Variants in IL17REL observed in about 807,000 individuals in gnomAD.
IL17REL encodes the protein interleukin-17 receptor E-like protein.
In IL17REL, 36 loss-of-function variants were observed where a neutral mutation model predicts 49.0. The ratio of observed to expected loss-of-function variants is 0.73; its 90% CI spans 0.56 to 0.97. The LOEUF (loss-of-function observed/expected upper bound fraction) is 0.97. Among genes scored for constraint, IL17REL ranks in the 50% least tolerant of loss-of-function variants. IL17REL has a pLI of 0.00. For missense variants in IL17REL, 470 were observed against 453.9 expected (o/e 1.04, Z -0.32); for synonymous variants, 206 against 192.4 (o/e 1.07, Z -0.58).
rs2061043001 is a variant in IL17REL, at chr22:49,997,407, G to T, written c.887C>A (p.Thr296Asn). Reference sequence around the variant, plus strand: ...TCCTGTGACACAGGTGCACCTGGAAGTGGGCGGGGCTGGACGAGAAGAAGG... The same window carrying T: ...TCCTGTGACACAGGTGCACCTGGAATTGGGCGGGGCTGGACGAGAAGAAGG... The change falls in exon 11 of 13, where the codon ACT becomes AAT. Residue 296 changes from threonine to asparagine, a missense_variant. By Grantham distance (65) the Thr-to-Asn change is moderately conservative (BLOSUM62 0). Coordinates refer to ENST00000341280, the Ensembl canonical transcript of IL17REL. 1.2e-6 allele frequency: 2 copies of T among 1,613,712 alleles called. No homozygotes were observed. Among genetic ancestry groups the T allele is most frequent in the Non-Finnish European group, 1.7e-6 (2 of 1,179,890 alleles).
downstream of IL17REL, among the ~76,000 whole-genome samples, chr22:49,992,840 C>T (rs1392216609): frequency 6.6e-6 from 1 of 152,144 alleles, no homozygotes; most frequent in African/African-American, 2.4e-5. Context: ...TGGTCTCAAA[C>T]TCCTGACCTT....
At chr22:50,000,808 C>G in exon 3 of IL17REL, 1 of 1,603,938 alleles carries the variant, frequency 6.2e-7, no homozygotes, top group African/African-American at 1.3e-5. Context: ...CGCTCTGACA[C>G]TGCGTCTCCT....
intron 9 of IL17REL, 80 bp from the exon 12 acceptor site, chr22:49,997,822 G>A (rs1375555185): frequency 1.0e-5 from 15 of 1,479,404 alleles, no homozygotes; most frequent in Non-Finnish European, 1.4e-5. Flanking sequence ...ACAGGGACAG[G>A]CTGGGTCAGC....
Position 49,999,818 on chromosome 22 carries a change from G to A in IL17REL, c.474+10C>T. On this transcript the variant is annotated intron_variant, in intron 5 of 12. Transcript: ENST00000341280. The stretch of plus-strand genomic sequence containing the variant: ...TAAGGCTGACCGGGGCCCGGGGCGC[G>A]GGCGCTCACTCGCACAGGGGCGCCG... The A allele has an allele frequency of 1.3e-6, 2 of 1,495,926 alleles. No individual in the cohort carries two copies. The highest frequency in any genetic ancestry group is 8.9e-7 in the Non-Finnish European group (1 of 1,121,910). 92.7% of individuals were successfully genotyped at this position (1,495,926 alleles called of 1,614,324 possible).
intron 1 of IL17REL, among the ~76,000 whole-genome samples, chr22:50,004,912 T>C (rs894567038): frequency 1.4e-5 from 2 of 146,452 alleles, no homozygotes; most frequent in Non-Finnish European, 3.0e-5. Context: ...TTTGACCCTT[T>C]CTAGAAAAAA....
chr22:49,999,537 G>A, intron 5 of IL17REL, 35 bp from the exon 8 acceptor site: 5 of 1,537,682 alleles, frequency 3.3e-6, no homozygotes, highest in Non-Finnish European at 4.4e-6. Context: ...GGGGCCGCGC[G>A]GGAGGGCGGG....
chr22:50,001,175 G>C, exon 2 of IL17REL: 1 of 1,601,526 alleles, frequency 6.2e-7, no homozygotes, highest in African/African-American at 1.3e-5. Context: ...AGGGCCTCCA[G>C]GACTGACCTG....
intron 9 of IL17REL, 116 bp from the exon 12 acceptor site, chr22:49,997,858 C>T (rs1385868025): frequency 2.9e-6 from 4 of 1,366,782 alleles, no homozygotes; most frequent in Non-Finnish European, 4.1e-6. Context: ...GCCCAGTTCT[C>T]CTCCTTAGGC....
At chr22:49,997,373 G>A (rs2061042638) in exon 11 of IL17REL, 1 of 1,613,886 alleles carries the variant, frequency 6.2e-7, no homozygotes. Flanking sequence ...GCAGGGAGCT[G>A]TGACTTCCTC....
chr22:50,008,376 C>T (rs531349205), intron 1 of IL17REL, among the ~76,000 whole-genome samples: 1 of 152,190 alleles, frequency 6.6e-6, no homozygotes, highest in African/African-American at 2.4e-5. Context: ...TGGAACGCAA[C>T]GAGGCATTGT....
At chr22:50,010,372 A>C (rs972260220), upstream of IL17REL, among the ~76,000 whole-genome samples, 4 of 152,230 alleles carry the variant, frequency 2.6e-5, no homozygotes, top group Non-Finnish European at 4.4e-5. Context: ...AGCAGGCCTC[A>C]GGTGGGCAGG....
chr22:49,998,525 C>T (rs375315057), intron 7 of IL17REL, among the ~76,000 whole-genome samples: 2 of 146,496 alleles, frequency 1.4e-5, no homozygotes, highest in African/African-American at 2.5e-5. Context: ...TATGTGTGTG[C>T]CTGTGCATGG....
intron 3 of IL17REL, 44 bp from the exon 5 acceptor site, chr22:50,000,636 C>T (rs924297102): frequency 5.1e-6 from 8 of 1,569,646 alleles, no homozygotes; most frequent in Non-Finnish European, 6.1e-6. Flanking sequence ...AGAGGCACTG[C>T]CCACCCCACC....
chr22:50,004,869 C>G (rs1569211410), intron 1 of IL17REL, among the ~76,000 whole-genome samples: 1 of 148,398 alleles, frequency 6.7e-6, no homozygotes, highest in Non-Finnish European at 1.5e-5. Context: ...AAAAGACAAC[C>G]TCCTTTATGC....
chr22:49,997,785 G>A (rs2061046116), intron 9 of IL17REL, 43 bp from the exon 12 acceptor site: 3 of 1,595,932 alleles, frequency 1.9e-6, no homozygotes, highest in Non-Finnish European at 1.7e-6. Flanking sequence ...GAGTGTGTGT[G>A]AGGCAGGGGC....
chr22:50,005,680 C>T (rs1315761167), intron 1 of IL17REL, among the ~76,000 whole-genome samples: 2 of 151,998 alleles, frequency 1.3e-5, no homozygotes, highest in African/African-American at 2.4e-5. Context: ...TGCTGGGCGC[C>T]TGTAATTCCA....
At chr22:50,007,454 T>C (rs554518491) in intron 1 of IL17REL, among the ~76,000 whole-genome samples, 36 of 152,276 alleles carry the variant, frequency 2.4e-4, no homozygotes, top group African/African-American at 7.9e-4. Flanking sequence ...CACTACAACC[T>C]CTGCCTCCTG....
chr22:50,002,495 CTTT>C (rs398040533), intron 1 of IL17REL, among the ~76,000 whole-genome samples: 83 of 127,888 alleles, frequency 6.5e-4, no homozygotes, highest in Middle Eastern at 4.1e-3. Context: ...CTTTTCTTTT[CTTT>C]TTTTTTTTTT....
exon 13 of IL17REL, chr22:49,996,238 A>T (rs1173261457): frequency 6.7e-6 from 1 of 149,128 alleles, no homozygotes; most frequent in Non-Finnish European, 1.5e-5. Flanking sequence ...ACCCCCTCCC[A>T]CCCCTCCCAC....
Sources: allele counts gnomAD v4.1 joint callset (sites outside exome capture counted in the v4.1 genomes callset), GRCh38; gene constraint gnomAD v4.1.1; transcripts MANE v1.5; gene names NCBI Gene and HGNC (gene_info 2026-07-23, HGNC 2026-07-21).